KIZ: variants seen among roughly 807,000 people sequenced by gnomAD.
KIZ encodes centrosomal protein kizuna.
In KIZ, 68 loss-of-function variants were observed where a neutral mutation model predicts 79.6. That is an observed-to-expected ratio of 0.85 (90% CI 0.70 to 1.05). The LOEUF (loss-of-function observed/expected upper bound fraction) is 1.05, where lower values mean the gene tolerates loss of function less well. KIZ is among the 50% of genes least tolerant of loss of function. The pLI is 0.00. For synonymous variants in KIZ, 280 were observed against 281.8 expected (o/e 0.99, Z 0.06); for missense variants, 797 against 800.4 (o/e 1.00, Z 0.05).
intron 10 of KIZ, among the ~76,000 whole-genome samples, chr20:21,229,760 G>A (rs1282111142): frequency 6.6e-6 from 1 of 151,890 alleles, no homozygotes; most frequent in Non-Finnish European, 1.5e-5. Context: ...TTTTTTTGTA[G>A]AGGTAGGGTT....
intron 6 of KIZ, among the ~76,000 whole-genome samples, chr20:21,169,084 G>A (rs2034086511): frequency 6.6e-6 from 1 of 152,114 alleles, no homozygotes; most frequent in Non-Finnish European, 1.5e-5. Flanking sequence ...TTGACAAATG[G>A]GATCTAATTA....
intron 9 of KIZ, 142 bp from the exon 10 acceptor site, chr20:21,228,869 T>C (rs945208661): frequency 1.8e-6 from 1 of 560,702 alleles, no homozygotes; most frequent in Admixed American, 3.1e-5. Flanking sequence ...TTTGTTTGTT[T>C]TCAGAATGTC....
At position 21,200,548 on chromosome 20, in the gene KIZ, C is replaced by T. The variant is rs1304897047; in HGVS notation, c.1353-4943C>T. 4.6e-5 allele frequency among the ~76,000 whole-genome samples: 7 copies of T among 151,710 alleles called. No individual in the cohort carries two copies. The East Asian group carries it at 1.2e-3, about 25-fold the overall frequency. On this transcript the variant is annotated intron_variant, in intron 6 of 12. Coordinates refer to ENST00000619189, the MANE Select transcript of KIZ (RefSeq NM_018474.6). ...TGGGAGACAATGACAGATCATCAGG[C>T]GTTAGATTCTCATAAGGAACATGCA... is the stretch of plus-strand genomic sequence containing the variant.
At chr20:21,133,437 G>A (rs918104691) in intron 2 of KIZ, among the ~76,000 whole-genome samples, 7 of 152,216 alleles carry the variant, frequency 4.6e-5, no homozygotes, top group African/African-American at 1.7e-4. Context: ...TGGCTAAAGG[G>A]CAGAAGATTG....
chr20:21,223,491 T>A (rs566996103), intron 9 of KIZ, among the ~76,000 whole-genome samples: 133 of 152,274 alleles, frequency 8.7e-4, no homozygotes, highest in African/African-American at 3.1e-3. Flanking sequence ...GGCCCAGGTC[T>A]ACAGGTGGAG....
intron 1 of KIZ, among the ~76,000 whole-genome samples, chr20:21,126,841 A>C (rs1392500904): frequency 3.3e-5 from 5 of 152,244 alleles, no homozygotes; most frequent in African/African-American, 1.2e-4. Context: ...CTAAGAGTGC[A>C]TATAGAGAGA....
intron 6 of KIZ, among the ~76,000 whole-genome samples, chr20:21,176,645 T>A (rs1446438075): frequency 6.6e-6 from 1 of 151,652 alleles, no homozygotes; most frequent in Non-Finnish European, 1.5e-5. Context: ...AGATGTTGGA[T>A]TTTTCAGACT....
At chr20:21,245,162 A>G (rs1483205987) in intron 12 of KIZ, 2 of 152,202 alleles carry the variant, frequency 1.3e-5, no homozygotes, top group East Asian at 3.9e-4. Flanking sequence ...TAACAAAAAT[A>G]TTCGCTGTTT....
In KIZ at chr20:21,194,456, G is replaced by A. The variant is rs146488261; in HGVS notation, c.1353-11035G>A. The A allele has an allele frequency of 3.2e-4, 49 of 152,256 alleles. No homozygotes were observed. In the Middle Eastern group the frequency reaches 0.01, roughly 32 times the overall value. The allele number at this position is 152,256 out of a possible 1,614,324, so 9.4% of individuals were successfully genotyped here. On this transcript the variant is annotated intron_variant, in intron 6 of 12. Coordinates refer to ENST00000619189, the MANE Select transcript of KIZ (RefSeq NM_018474.6). ...TCTTTAATATTTAATTCCATACAGC[G>A]TTTGAATTCTTTAGTTGAGTTCTTT...
intron 1 of KIZ, among the ~76,000 whole-genome samples, chr20:21,129,319 G>A (rs746232943): frequency 3.9e-5 from 6 of 152,194 alleles, no homozygotes; most frequent in Non-Finnish European, 8.8e-5. Context: ...TGCATCTGCT[G>A]AAGATGTTTT....
At chr20:21,156,927 T>G (rs913665551) in intron 4 of KIZ, among the ~76,000 whole-genome samples, 1 of 152,168 alleles carries the variant, frequency 6.6e-6, no homozygotes, top group Non-Finnish European at 1.5e-5. Flanking sequence ...AGGGAGTGTT[T>G]TGTATTATTT....
chr20:21,205,078 G>A (rs753173331), intron 6 of KIZ, among the ~76,000 whole-genome samples: 4 of 152,048 alleles, frequency 2.6e-5, no homozygotes, highest in African/African-American at 7.2e-5. Context: ...CAGAGTTTAC[G>A]ACCAGCCTGG....
intron 6 of KIZ, among the ~76,000 whole-genome samples, chr20:21,176,232 C>T (rs2034427314): frequency 6.6e-6 from 1 of 152,078 alleles, no homozygotes; most frequent in South Asian, 2.1e-4. Flanking sequence ...ATTGCCTGAA[C>T]CTGGGAGGCA....
chr20:21,159,520 C>G (rs2033555612), intron 4 of KIZ, among the ~76,000 whole-genome samples: 1 of 152,140 alleles, frequency 6.6e-6, no homozygotes, highest in African/African-American at 2.4e-5. Context: ...ACCACCCACC[C>G]CAGCCCTTCG....
intron 6 of KIZ, among the ~76,000 whole-genome samples, chr20:21,204,122 T>G (rs1329885437): frequency 7.3e-6 from 1 of 137,286 alleles, no homozygotes; most frequent in South Asian, 2.5e-4. Context: ...TTTTTTTTTT[T>G]TTTTTTTTTT....
intron 3 of KIZ, among the ~76,000 whole-genome samples, chr20:21,136,842 G>A (rs1184558387): frequency 6.6e-6 from 1 of 152,132 alleles, no homozygotes; most frequent in Non-Finnish European, 1.5e-5. Context: ...CAGATCAGTG[G>A]TAGTCACTAA....
intron 4 of KIZ, among the ~76,000 whole-genome samples, 174 bp from the exon 5 acceptor site, chr20:21,161,697 A>G (rs566065922): frequency 9.5e-4 from 145 of 152,248 alleles, no homozygotes; most frequent in African/African-American, 3.4e-3. Flanking sequence ...TATGGACTTT[A>G]CTGCTTTTTG....
intron 4 of KIZ, among the ~76,000 whole-genome samples, chr20:21,147,891 A>G (rs1339770941): frequency 6.6e-6 from 1 of 151,166 alleles, no homozygotes; most frequent in African/African-American, 2.4e-5. Context: ...TGAGCTTGGA[A>G]AGCTACCTTG....
At chr20:21,241,051 A>G (rs1418659521) in intron 11 of KIZ, among the ~76,000 whole-genome samples, 5 of 152,258 alleles carry the variant, frequency 3.3e-5, no homozygotes, top group Non-Finnish European at 7.3e-5. Flanking sequence ...TTCTGAGCAC[A>G]TAAGACCACA....
Sources: gnomAD v4.1 joint callset for allele counts (sites outside exome capture counted in the v4.1 genomes callset) on GRCh38, gnomAD v4.1.1 for gene constraint, MANE v1.5 for transcripts, NCBI Gene and HGNC (gene_info 2026-07-23, HGNC 2026-07-21) for gene names.